RGL1: variants seen among roughly 807,000 people sequenced by gnomAD.
RGL1 encodes ral guanine nucleotide dissociation stimulator-like 1.
Under a neutral mutation model 95.2 loss-of-function variants are expected in RGL1, and 24 were observed. The observed-to-expected ratio is 0.25, with a 90% CI of 0.18 to 0.35. The LOEUF (loss-of-function observed/expected upper bound fraction) is 0.35. Among genes scored for constraint, RGL1 ranks in the 10% least tolerant of loss-of-function variants. The pLI, the probability that RGL1 is intolerant of heterozygous loss-of-function variation, is 1.00. For synonymous variants in RGL1, 329 were observed against 344.9 expected, an observed-to-expected ratio of 0.95 and a Z score of 0.51; for missense variants, 715 against 936.3, an observed-to-expected ratio of 0.76 and a Z score of 3.08.
chr1:183,698,254 G>A (rs1654368461), intron 1 of RGL1, among the ~76,000 whole-genome samples: 1 of 152,192 alleles, frequency 6.6e-6, no homozygotes, highest in African/African-American at 2.4e-5. Context: ...CTTGCGTTCT[G>A]TAACACCCCT....
In RGL1 at chr1:183,880,703, G is replaced by A. The variant is rs1012446664; in HGVS notation, c.513G>A (p.Leu171=). The stretch of plus-strand genomic sequence containing the variant: ...CTCACTTCCCTTGCTTACAGAAACT[G>A]CTGGATTATCTCACACGGATGATGC... The part of the protein sequence containing the change: ...EPPHFPCLQK[L]LDYLTRMMPG... Residue 171 remains leucine, a synonymous_variant, in exon 5 of 18, where the codon CTG becomes CTA. Transcript: ENST00000360851. 8 of 1,613,914 alleles carry A rather than the reference G, an allele frequency of 5.0e-6. No individual in the cohort carries two copies. The highest frequency in any genetic ancestry group is 6.8e-6 in the Non-Finnish European group (8 of 1,179,846).
intron 1 of RGL1, among the ~76,000 whole-genome samples, chr1:183,662,850 G>C (rs1270182046): frequency 6.6e-6 from 1 of 152,112 alleles, no homozygotes; most frequent in East Asian, 1.9e-4. Flanking sequence ...CATGGTACTG[G>C]TACCAAAACA....
At chr1:183,668,337 G>A (rs1446702326) in intron 1 of RGL1, among the ~76,000 whole-genome samples, 1 of 151,904 alleles carries the variant, frequency 6.6e-6, no homozygotes, top group Non-Finnish European at 1.5e-5. Context: ...AGGTTGATGA[G>A]TTTTTTTCTA....
intron 8 of RGL1, among the ~76,000 whole-genome samples, chr1:183,890,211 CG>C (rs1267654194): frequency 2.0e-5 from 3 of 152,028 alleles, no homozygotes; most frequent in Admixed American, 1.3e-4. Flanking sequence ...CTGATTGCCA[CG>C]AAAGGTAATC....
chr1:183,843,820 T>TG (rs989727658), intron 2 of RGL1, among the ~76,000 whole-genome samples: 7 of 102,790 alleles, frequency 6.8e-5, no homozygotes, highest in Non-Finnish European at 1.1e-4. Context: ...TATATTTTCA[T>TG]GTTTTTTTTT....
At chr1:183,916,285 C>CA (rs1431678097) in intron 15 of RGL1, among the ~76,000 whole-genome samples, 162 bp from the exon 16 acceptor site, 2 of 152,214 alleles carry the variant, frequency 1.3e-5, no homozygotes, top group Non-Finnish European at 2.9e-5. Context: ...GATGGGGACT[C>CA]AGAGTACTTA....
chr1:183,882,676 C>T (rs895786216), intron 5 of RGL1, among the ~76,000 whole-genome samples: 1 of 152,182 alleles, frequency 6.6e-6, no homozygotes, highest in Non-Finnish European at 1.5e-5. Context: ...GGGCAATCCT[C>T]AAATCACATA....
chr1:183,706,242 G>A (rs1186325847), intron 1 of RGL1, among the ~76,000 whole-genome samples: 1 of 152,188 alleles, frequency 6.6e-6, no homozygotes, highest in African/African-American at 2.4e-5. Context: ...AAGGTGTGCA[G>A]GGAGCAGAAA....
At chr1:183,801,178 T>TG (rs59988701), upstream of RGL1, among the ~76,000 whole-genome samples, 35,819 of 151,104 alleles carry the variant, frequency 0.24, 5,111 homozygotes, top group Non-Finnish European at 0.33. Context: ...TGTGTGTGTG[T>TG]TTAATAATGG....
chr1:183,687,764 A>G (rs1337860022), intron 1 of RGL1, among the ~76,000 whole-genome samples: 1 of 152,220 alleles, frequency 6.6e-6, no homozygotes, highest in Non-Finnish European at 1.5e-5. Context: ...CACTAAGGCT[A>G]ACTTTGAATA....
At chr1:183,737,571 T>G (rs1396695364) in intron 1 of RGL1, among the ~76,000 whole-genome samples, 1 of 144,584 alleles carries the variant, frequency 6.9e-6, no homozygotes, top group African/African-American at 2.5e-5. Context: ...CATAGTGAGA[T>G]TCTATCTCTA....
In RGL1 at chr1:183,880,609, TTCTC is replaced by T; in HGVS notation, c.426-6_426-3del. 1 of 1,613,068 alleles carries T rather than the reference TTCTC, an allele frequency of 6.2e-7. No individual in the cohort carries two copies. On this transcript the variant is annotated splice_polypyrimidine_tract_variant and splice_region_variant and intron_variant, in intron 4 of 17. Transcript: ENST00000360851. ...GGGTGCAGTGACTCTCCATTTGTCT[TTCTC>T]AGTGCAATCGCTTCCATACTAAGGG...
intron 3 of RGL1, 80 bp downstream of exon 3, chr1:183,847,854 C>T (rs1664548757): frequency 3.9e-6 from 4 of 1,020,934 alleles, no homozygotes; most frequent in African/African-American, 1.6e-5. Context: ...GAATCACCTG[C>T]ACTTGGTATT....
chr1:183,797,146 A>G (rs956296417), intron 2 of RGL1, among the ~76,000 whole-genome samples: 5 of 152,112 alleles, frequency 3.3e-5, no homozygotes, highest in African/African-American at 1.2e-4. Flanking sequence ...CCTGGCCAAC[A>G]TGGCGAAACC....
chr1:183,842,696 C>T (rs997964706), intron 2 of RGL1, among the ~76,000 whole-genome samples: 1 of 152,288 alleles, frequency 6.6e-6, no homozygotes, highest in South Asian at 2.1e-4. Context: ...TGAGCTGTTT[C>T]CTGTTAGCGT....
intron 2 of RGL1, among the ~76,000 whole-genome samples, chr1:183,842,144 G>A (rs529813895): frequency 3.2e-4 from 48 of 152,184 alleles, no homozygotes; most frequent in African/African-American, 1.2e-3. Flanking sequence ...TTTTTGGAGG[G>A]AGTTAACAGC....
At chr1:183,673,636 G>A (rs537852665) in intron 1 of RGL1, among the ~76,000 whole-genome samples, 8 of 152,230 alleles carry the variant, frequency 5.3e-5, no homozygotes, top group South Asian at 4.2e-4. Flanking sequence ...TCTTACTTCC[G>A]TGAGAGCTCA....
chr1:183,790,659 A>G (rs1660401185), intron 2 of RGL1, among the ~76,000 whole-genome samples: 1 of 152,214 alleles, frequency 6.6e-6, no homozygotes, highest in African/African-American at 2.4e-5. Context: ...CTAACAAGTT[A>G]TAAAAGAGAA....
chr1:183,905,464 A>T (rs1322350142), intron 13 of RGL1, among the ~76,000 whole-genome samples: 58 of 152,196 alleles, frequency 3.8e-4, no homozygotes, highest in Non-Finnish European at 2.9e-5. Context: ...GAATTGGGGA[A>T]AATAAGGAAA....
Sources: gnomAD v4.1 joint callset for allele counts (sites outside exome capture counted in the v4.1 genomes callset) on GRCh38, gnomAD v4.1.1 for gene constraint, MANE v1.5 for transcripts, NCBI Gene and HGNC (gene_info 2026-07-23, HGNC 2026-07-21) for gene names.